Variants in CSMD3 observed in about 807,000 individuals in gnomAD.
CSMD3 encodes CUB and sushi domain-containing protein 3.
In CSMD3, 177 loss-of-function variants were observed where a neutral mutation model predicts 435.2. That is an observed-to-expected ratio of 0.41 (90% confidence interval 0.36 to 0.46). CSMD3 has a LOEUF of 0.46. CSMD3 is among the 20% of genes least tolerant of loss of function. The pLI, the probability that CSMD3 is intolerant of heterozygous loss-of-function variation, is 0.34. For missense variants in CSMD3, 4,265 were observed against 4,504.6 expected (o/e 0.95, Z 1.52); for synonymous variants, 1,656 against 1,520.5 (o/e 1.09, Z -2.07).
chr8:112,765,788 T>G (rs2132169300), intron 13 of CSMD3, among the ~76,000 whole-genome samples: 1 of 151,860 alleles, frequency 6.6e-6, no homozygotes, highest in Admixed American at 6.6e-5. Flanking sequence ...TGCGGTCCTG[T>G]ATTTCTACTC....
chr8:112,467,171 C>G (rs2045033), intron 32 of CSMD3, among the ~76,000 whole-genome samples: 1 of 151,984 alleles, frequency 6.6e-6, no homozygotes, highest in African/African-American at 2.4e-5. Context: ...GGGATTCATA[C>G]ATTTGAAACA....
intron 5 of CSMD3, among the ~76,000 whole-genome samples, chr8:113,097,460 G>A (rs558565478): frequency 6.6e-6 from 1 of 151,908 alleles, no homozygotes; most frequent in African/African-American, 2.4e-5. Flanking sequence ...TTTCTTTTCT[G>A]TATCATCCTT....
intron 6 of CSMD3, among the ~76,000 whole-genome samples, chr8:112,992,783 GTGTGCCTGTGTGTGTGTGCTTGTGTA>G (rs1254366784): frequency 6.6e-6 from 1 of 151,698 alleles, no homozygotes; most frequent in African/African-American, 2.4e-5. Flanking sequence ...GGTAGTGTTT[GTGTGCCTGTGTGTGTGTGCTTGTGTA>G]TGTGCCTCTG....
chr8:112,837,608 G>T (rs536825602), intron 11 of CSMD3, among the ~76,000 whole-genome samples: 31 of 151,796 alleles, frequency 2.0e-4, no homozygotes, highest in Admixed American at 9.2e-4. Context: ...CTCATAAATG[G>T]CAGTTATTAT....
At chr8:113,184,467 A>C (rs1212512512) in intron 3 of CSMD3, among the ~76,000 whole-genome samples, 1 of 151,976 alleles carries the variant, frequency 6.6e-6, no homozygotes. Context: ...GCCAACCATC[A>C]ATCAATTTAT....
At chr8:112,412,005 C>G (rs1316675862) in intron 32 of CSMD3, among the ~76,000 whole-genome samples, 1 of 152,006 alleles carries the variant, frequency 6.6e-6, no homozygotes, top group Non-Finnish European at 1.5e-5. Context: ...TATTTTGTCT[C>G]TATGCATCTA....
intron 3 of CSMD3, among the ~76,000 whole-genome samples, chr8:113,247,872 A>T (rs571409365): frequency 6.6e-6 from 1 of 152,200 alleles, no homozygotes; most frequent in East Asian, 1.9e-4. Flanking sequence ...GATGTAACTG[A>T]CATATAATAA....
rs573375219 is a variant in CSMD3 at position 113,018,735 on chromosome 8, C to T, written c.1030+332G>A. ...CGATTGAGAAAGAGCGTACATGCAA[C>T]TGAAGGTTTTCTGCAGTGATTTGCG... On this transcript the variant is annotated intron_variant, in intron 6 of 70. Transcript: ENST00000297405. 5 of 287,242 alleles carry T rather than the reference C, an allele frequency of 1.7e-5. No homozygotes were observed. The South Asian group carries it at 2.1e-4, about 12-fold the overall frequency. The allele number at this position is 287,242 out of a possible 1,614,324, so 17.8% of individuals were successfully genotyped here. A position where few individuals can be genotyped will look rare whatever the true frequency, so the allele number is the denominator to read the frequency against.
chr8:112,789,926 C>T (rs995716633), intron 13 of CSMD3, among the ~76,000 whole-genome samples: 3 of 151,820 alleles, frequency 2.0e-5, no homozygotes, highest in African/African-American at 7.2e-5. Flanking sequence ...TTTAAACAGT[C>T]CTGACAGATA....
intron 13 of CSMD3, among the ~76,000 whole-genome samples, chr8:112,726,966 CA>C (rs947546469): frequency 1.3e-5 from 2 of 151,624 alleles, no homozygotes; most frequent in African/African-American, 4.8e-5. Flanking sequence ...CAATATAGTT[CA>C]TGACCAAGCA....
At chr8:112,557,955 C>T (rs528286568) in intron 24 of CSMD3, among the ~76,000 whole-genome samples, 2 of 151,984 alleles carry the variant, frequency 1.3e-5, no homozygotes, top group South Asian at 4.2e-4. Flanking sequence ...GCATTCTTGT[C>T]GGATTGAGCC....
intron 3 of CSMD3, among the ~76,000 whole-genome samples, chr8:113,270,046 A>T (rs561833802): frequency 6.6e-6 from 1 of 151,666 alleles, no homozygotes; most frequent in African/African-American, 2.4e-5. Context: ...ATGGGAGAAA[A>T]TTTTTGCAAT....
At chr8:113,414,150 T>C (rs1385704242) in intron 1 of CSMD3, among the ~76,000 whole-genome samples, 2 of 152,206 alleles carry the variant, frequency 1.3e-5, no homozygotes, top group Admixed American at 1.3e-4. Context: ...CTTTCCAATA[T>C]GGTAGCCACT....
At position 113,204,228 on chromosome 8, in the gene CSMD3, G is replaced by C. The variant is rs544178587; in HGVS notation, c.515-30312C>G. On this transcript the variant is annotated intron_variant, in intron 3 of 70. Coordinates refer to ENST00000297405, the MANE Select transcript of CSMD3 (RefSeq NM_198123.2). ...TTTATTAGAGGAAATTAGTGCCCTAGATAAAAAGACTTCACTGACACATTT... is the reference window on the plus strand; with the variant it reads ...TTTATTAGAGGAAATTAGTGCCCTACATAAAAAGACTTCACTGACACATTT... Among the ~76,000 whole-genome samples the C allele has an allele frequency of 7.2e-5, 11 of 152,122 alleles. No individual in the cohort carries two copies. In the East Asian group the frequency reaches 1.7e-3, roughly 24 times the overall value.
intron 6 of CSMD3, among the ~76,000 whole-genome samples, chr8:112,994,983 A>T (rs1564189896): frequency 1.3e-5 from 2 of 151,524 alleles, no homozygotes; most frequent in African/African-American, 2.4e-5. Context: ...TTTATCAAAA[A>T]ATAATAAATA....
chr8:112,460,004 ATTTC>A (rs1817285455), intron 32 of CSMD3, among the ~76,000 whole-genome samples: 1 of 152,036 alleles, frequency 6.6e-6, no homozygotes, highest in Non-Finnish European at 1.5e-5. Flanking sequence ...GGTTATCCCC[ATTTC>A]TCAAATCAGC....
Position 112,319,898 on chromosome 8 carries a change from T to C in CSMD3, c.7246+3A>G. On this transcript the variant is annotated splice_donor_region_variant and intron_variant, in intron 46 of 70. Coordinates refer to ENST00000297405, the MANE Select transcript of CSMD3 (RefSeq NM_198123.2). Reference sequence around the variant, plus strand: ...TTCCTTGAAAATAATTTAACAGCTTTACCTATTTCAAATTCATCATCTTCC... The same window carrying C: ...TTCCTTGAAAATAATTTAACAGCTTCACCTATTTCAAATTCATCATCTTCC... 6.2e-7 allele frequency: 1 copy of C among 1,600,940 alleles called. No individual in the cohort carries two copies. The highest frequency in any genetic ancestry group is 8.6e-7 in the Non-Finnish European group (1 of 1,168,248).
At chr8:112,808,767 G>C (rs564998854) in intron 12 of CSMD3, among the ~76,000 whole-genome samples, 1 of 150,640 alleles carries the variant, frequency 6.6e-6, no homozygotes, top group South Asian at 2.1e-4. Context: ...CTAAACCAAA[G>C]TATAACAGAA....
At chr8:112,813,261 T>C (rs1298002500) in intron 12 of CSMD3, among the ~76,000 whole-genome samples, 1 of 152,168 alleles carries the variant, frequency 6.6e-6, no homozygotes, top group Non-Finnish European at 1.5e-5. Flanking sequence ...TTAGATTATG[T>C]GATTGCCTTT....
Sources: gnomAD v4.1 joint callset for allele counts (sites outside exome capture counted in the v4.1 genomes callset) on GRCh38, gnomAD v4.1.1 for gene constraint, MANE v1.5 for transcripts, NCBI Gene and HGNC (gene_info 2026-07-23, HGNC 2026-07-21) for gene names.